The following MCF2L2 variants were observed in gnomAD, a reference collection of about 807,000 sequenced individuals.
The protein encoded by MCF2L2 is probable guanine nucleotide exchange factor MCF2L2.
MCF2L2 carries 102 observed loss-of-function variants against 150.2 expected under a neutral mutation model. That is an observed-to-expected ratio of 0.68 (90% CI 0.58 to 0.80). MCF2L2 has a LOEUF of 0.80. Ranked by LOEUF, MCF2L2 falls within the 30% of genes least tolerant of loss-of-function variation. The pLI is 0.00. For synonymous variants in MCF2L2, 465 were observed against 491.3 expected, an observed-to-expected ratio of 0.95 and a Z score of 0.71; for missense variants, 1,256 against 1,372.8, an observed-to-expected ratio of 0.91 and a Z score of 1.34.
At chr3:183,277,014 T>C (rs1405955683) in intron 14 of MCF2L2, 57 bp from the exon 15 acceptor site, 3 of 1,138,168 alleles carry the variant, frequency 2.6e-6, no homozygotes, top group Non-Finnish European at 3.8e-6. Context: ...CTAATCTATA[T>C]TTTTCTCTCT....
rs952799060 is a variant in MCF2L2, at chr3:183,181,323, G to T, written c.3017-1164C>A. ...GGGGCTGTGTGAGTAACATGGGGGC[G>T]GGGGGGCAGCTGGGCAGCACCTCCC... is the stretch of plus-strand genomic sequence containing the variant. On this transcript the variant is annotated intron_variant, in intron 27 of 29. Transcript: ENST00000328913. This position sits in a 1 kb window ranked among gnomAD's most constrained non-coding sequence, Gnocchi z 4.3. Among the ~76,000 whole-genome samples the T allele has an allele frequency of 6.9e-6, 1 of 144,474 alleles. No individual in the cohort carries two copies. The highest frequency in any genetic ancestry group is 2.9e-5 in the African/African-American group (1 of 34,198). The allele number at this position is 144,474 out of a possible 152,430, so 94.8% of individuals were successfully genotyped here. A position where few individuals can be genotyped will look rare whatever the true frequency, so the allele number is the denominator to read the frequency against.
chr3:183,205,999 T>C, intron 24 of MCF2L2, 45 bp from the exon 25 acceptor site: 1 of 1,575,512 alleles, frequency 6.3e-7, no homozygotes. Context: ...CCATGAGTAT[T>C]AATTGCAGAG....
At chr3:183,215,370 CAT>C (rs1722875969) in intron 22 of MCF2L2, among the ~76,000 whole-genome samples, 1 of 151,652 alleles carries the variant, frequency 6.6e-6, no homozygotes, top group South Asian at 2.1e-4. Flanking sequence ...TCAAAGAGAT[CAT>C]ACAGTTATAG....
In MCF2L2 at chr3:183,392,100, A is replaced by G. The variant is rs78222725; in HGVS notation, c.77-2321T>C. On this transcript the variant is annotated intron_variant, in intron 1 of 29. Coordinates refer to ENST00000328913, the MANE Select transcript of MCF2L2 (RefSeq NM_015078.4). ...ATGAACCGAGAGAAAAACAAAAATC[A>G]TAAGGTGTAATTTATTGTTCTTACA... Among the ~76,000 whole-genome samples the G allele has an allele frequency of 1.0e-3, 157 of 152,322 alleles. 4 individuals carry two copies. In the East Asian group the frequency reaches 0.028, roughly 27 times the overall value.
rs1016514520 is a variant in MCF2L2, at chr3:183,310,355, A to C, written c.994-520T>G. 5.3e-5 allele frequency among the ~76,000 whole-genome samples: 8 copies of C among 152,116 alleles called. 1 individual carries two copies. The highest frequency in any genetic ancestry group is 1.3e-4 in the Admixed American group (2 of 15,276). On this transcript the variant is annotated intron_variant, in intron 9 of 29. Coordinates refer to ENST00000328913, the MANE Select transcript of MCF2L2 (RefSeq NM_015078.4). ...ATCTCTACCAAAAATACAAAAAATTAGCTGAGTGTGGTGGTGGGCACCTGT... is the reference window on the plus strand; with the variant it reads ...ATCTCTACCAAAAATACAAAAAATTCGCTGAGTGTGGTGGTGGGCACCTGT...
intron 14 of MCF2L2, among the ~76,000 whole-genome samples, chr3:183,282,120 A>C (rs1362164435): frequency 6.6e-6 from 1 of 151,674 alleles, no homozygotes; most frequent in Non-Finnish European, 1.5e-5. Flanking sequence ...TATTGTTAGT[A>C]ATGAGTTCAA....
At chr3:183,388,232 T>C (rs1713944013) in intron 2 of MCF2L2, among the ~76,000 whole-genome samples, 1 of 152,186 alleles carries the variant, frequency 6.6e-6, no homozygotes. Flanking sequence ...TAAGCCAGAA[T>C]CATGCATTGA....
At chr3:183,375,517 C>T (rs1416240196) in intron 3 of MCF2L2, 1 of 152,146 alleles carries the variant, frequency 6.6e-6, no homozygotes, top group African/African-American at 2.4e-5. Flanking sequence ...TAATGAGTTT[C>T]CTGCGGTCTG....
At chr3:183,383,435 T>C (rs1560050538) in intron 2 of MCF2L2, among the ~76,000 whole-genome samples, 3 of 152,136 alleles carry the variant, frequency 2.0e-5, no homozygotes, top group South Asian at 4.1e-4. Context: ...GGTTTCTCCG[T>C]GTTGGTCAGG....
At chr3:183,219,348 C>T (rs531243470) in intron 21 of MCF2L2, among the ~76,000 whole-genome samples, 8 of 152,270 alleles carry the variant, frequency 5.3e-5, no homozygotes, top group Admixed American at 1.3e-4. Flanking sequence ...CAGTGGCTCA[C>T]GCCTGTAATA....
chr3:183,369,984 C>A (rs1322521933), intron 3 of MCF2L2, among the ~76,000 whole-genome samples: 1 of 152,170 alleles, frequency 6.6e-6, no homozygotes, highest in Non-Finnish European at 1.5e-5. Context: ...CTGTAACAAC[C>A]CATATCACAT....
At chr3:183,286,402 G>C (rs1487426487) in intron 14 of MCF2L2, among the ~76,000 whole-genome samples, 1 of 152,154 alleles carries the variant, frequency 6.6e-6, no homozygotes, top group Non-Finnish European at 1.5e-5. Flanking sequence ...CCCAGAGCTA[G>C]ATGCATGCTC....
At chr3:183,258,048 A>T (rs1431739798) in intron 15 of MCF2L2, among the ~76,000 whole-genome samples, 1 of 135,250 alleles carries the variant, frequency 7.4e-6, no homozygotes, top group Non-Finnish European at 1.5e-5. Context: ...GCTCACCGCA[A>T]CCTCCGCCTC....
intron 15 of MCF2L2, among the ~76,000 whole-genome samples, chr3:183,249,307 GGGCT>G (rs1724404130): frequency 6.6e-6 from 1 of 152,164 alleles, no homozygotes; most frequent in African/African-American, 2.4e-5. Context: ...TCACTGCCAG[GGGCT>G]GGTATCAGGC....
chr3:183,201,345 C>T (rs1722277507), intron 25 of MCF2L2, among the ~76,000 whole-genome samples: 1 of 152,032 alleles, frequency 6.6e-6, no homozygotes, highest in South Asian at 2.1e-4. Flanking sequence ...CCTTCACATC[C>T]CTTGTAAGTT....
intron 15 of MCF2L2, among the ~76,000 whole-genome samples, chr3:183,235,372 T>C (rs1426748027): frequency 2.6e-5 from 2 of 78,360 alleles, no homozygotes; most frequent in Non-Finnish European, 4.7e-5. Flanking sequence ...GTTTCCTGAC[T>C]TTTTAATGAT....
At chr3:183,309,239 T>C (rs1325331542) in intron 10 of MCF2L2, among the ~76,000 whole-genome samples, 3 of 151,562 alleles carry the variant, frequency 2.0e-5, no homozygotes, top group African/African-American at 7.3e-5. Flanking sequence ...CCCATCTAAT[T>C]GTCTTGCTCC....
intron 1 of MCF2L2, among the ~76,000 whole-genome samples, chr3:183,400,997 C>T (rs1382169653): frequency 1.3e-5 from 2 of 152,080 alleles, no homozygotes; most frequent in South Asian, 2.1e-4. Context: ...TAAATTGACA[C>T]GGCAAACGGT....
At chr3:183,348,986 G>A (rs958476755) in intron 3 of MCF2L2, among the ~76,000 whole-genome samples, 1 of 152,106 alleles carries the variant, frequency 6.6e-6, no homozygotes, top group African/African-American at 2.4e-5. Context: ...ACATAGACCC[G>A]ACTTGGAAGA....
Sources: allele counts gnomAD v4.1 joint callset (sites outside exome capture counted in the v4.1 genomes callset), GRCh38; gene constraint gnomAD v4.1.1; non-coding constraint Gnocchi (gnomAD v3.1); transcripts MANE v1.5; gene names NCBI Gene and HGNC (gene_info 2026-07-23, HGNC 2026-07-21).